The following ZNF471 variants were observed in gnomAD, a reference collection of about 807,000 sequenced individuals.
The protein encoded by ZNF471 is zinc finger protein 471.
ZNF471 carries 7 observed loss-of-function variants against 13.7 expected under a neutral mutation model. The observed-to-expected ratio is 0.51, with a 90% CI of 0.29 to 0.96. The LOEUF is 0.96. Among genes scored for constraint, ZNF471 ranks in the 40% least tolerant of loss-of-function variants. The probability of loss-of-function intolerance (pLI) is 0.08; values close to 1 mark genes in which losing one functional copy is unlikely to be tolerated. For synonymous variants in ZNF471, 218 were observed against 235.6 expected (o/e 0.93, Z 0.68); for missense variants, 663 against 743.3 (o/e 0.89, Z 1.26).
rs2043893126 is a variant in ZNF471, at chr19:56,516,685, A to C, written c.160+284A>C. ...CTTGTTCTCTCTCTCCTACAGAATTACTATCACCACTAGACAACAACAAGG... is the reference window on the plus strand; with the variant it reads ...CTTGTTCTCTCTCTCCTACAGAATTCCTATCACCACTAGACAACAACAAGG... On this transcript the variant is annotated intron_variant, in intron 3 of 4. Coordinates refer to ENST00000308031, the MANE Select transcript of ZNF471 (RefSeq NM_020813.4). This position sits in a 1 kb window ranked among gnomAD's most constrained non-coding sequence, Gnocchi z 4.4. 6.6e-6 allele frequency among the ~76,000 whole-genome samples: 1 copy of C among 152,228 alleles called. No homozygotes were observed.
Position 56,516,442 on chromosome 19 carries a change from A to C in ZNF471, c.160+41A>C, listed in dbSNP as rs1410958926. 1 of 1,563,974 alleles carries C rather than the reference A, an allele frequency of 6.4e-7. No homozygotes were observed. Among genetic ancestry groups the C allele is most frequent in the Non-Finnish European group, 8.6e-7 (1 of 1,158,852 alleles). ...CTCCTGCATAATCTACCTTTAAGGA[A>C]CTTTTTTGTCTATATATTATTAAAT... On this transcript the variant is annotated intron_variant, in intron 3 of 4. Coordinates refer to ENST00000308031, the MANE Select transcript of ZNF471 (RefSeq NM_020813.4). This position sits in a 1 kb window ranked among gnomAD's most constrained non-coding sequence, Gnocchi z 4.4.
chr19:56,515,687 C>A (rs533463790), intron 2 of ZNF471, among the ~76,000 whole-genome samples: 1 of 152,292 alleles, frequency 6.6e-6, no homozygotes, highest in African/African-American at 2.4e-5. Flanking sequence ...AAAATGCCCA[C>A]AATAACTTTT....
At position 56,516,710 on chromosome 19, in the gene ZNF471, G is replaced by T. The variant is rs17207495; in HGVS notation, c.160+309G>T. Among the ~76,000 whole-genome samples the T allele has an allele frequency of 0.14, 20,774 of 152,094 alleles. 1,751 individuals carry two copies. The highest frequency in any genetic ancestry group is 0.2 in the Middle Eastern group (59 of 294). On this transcript the variant is annotated intron_variant, in intron 3 of 4. Coordinates refer to ENST00000308031, the MANE Select transcript of ZNF471 (RefSeq NM_020813.4). This position sits in a 1 kb window ranked among gnomAD's most constrained non-coding sequence, Gnocchi z 4.4. Reference sequence around the variant, plus strand: ...ACTATCACCACTAGACAACAACAAGGTTCACAAAGAATATATAGCTAGATT... The same window carrying T: ...ACTATCACCACTAGACAACAACAAGTTTCACAAAGAATATATAGCTAGATT...
rs999722384 is a variant in ZNF471 at position 56,510,354 on chromosome 19, G to C, written c.-55-1163G>C. ...AGAAAGACTAGTGATGTGGTTGTGTGAGAGACCAAAATGGGTGAGAAAGAA... is the reference window on the plus strand; with the variant it reads ...AGAAAGACTAGTGATGTGGTTGTGTCAGAGACCAAAATGGGTGAGAAAGAA... On this transcript the variant is annotated intron_variant, in intron 1 of 4. Coordinates refer to ENST00000308031, the MANE Select transcript of ZNF471 (RefSeq NM_020813.4). The surrounding 1 kb of genome is among the most constrained non-coding windows in gnomAD (Gnocchi z 4.3). The C allele has an allele frequency of 3.0e-6, 3 of 985,418 alleles. No homozygotes were observed. In the African/African-American group the frequency reaches 5.2e-5, roughly 17 times the overall value. The allele number at this position is 985,418 out of a possible 1,614,324, so 61.0% of individuals were successfully genotyped here. A position where few individuals can be genotyped will look rare whatever the true frequency, so the allele number is the denominator to read the frequency against.
chr19:56,523,392 A>G (rs1600521221), intron 4 of ZNF471, among the ~76,000 whole-genome samples: 1 of 150,632 alleles, frequency 6.6e-6, no homozygotes, highest in African/African-American at 2.4e-5. Flanking sequence ...GTGGTCTAAG[A>G]GGTGATAATT....
Position 56,508,096 on chromosome 19 carries a change from C to G in ZNF471, c.-56+176C>G. 1 of 984,960 alleles carries G rather than the reference C, an allele frequency of 1.0e-6. No individual in the cohort carries two copies. The highest frequency in any genetic ancestry group is 1.2e-6 in the Non-Finnish European group (1 of 829,540). 61.0% of individuals were successfully genotyped at this position (984,960 alleles called of 1,614,324 possible). A position where few individuals can be genotyped will look rare whatever the true frequency, so the allele number is the denominator to read the frequency against. ...ACTCGAGTCTGCGGGGCGGAGGCCGCGGCTCGGGGCTGCTGGGCGTTCGGG... is the reference window on the plus strand; with the variant it reads ...ACTCGAGTCTGCGGGGCGGAGGCCGGGGCTCGGGGCTGCTGGGCGTTCGGG... On this transcript the variant is annotated intron_variant, in intron 1 of 4. Transcript: ENST00000308031. The surrounding 1 kb of genome is among the most constrained non-coding windows in gnomAD (Gnocchi z 4.7).
chr19:56,509,873 C>T (rs1189192032), intron 1 of ZNF471: 1 of 985,170 alleles, frequency 1.0e-6, no homozygotes, highest in Non-Finnish European at 1.2e-6. Context: ...TGTGAGAATC[C>T]AGAGTGTGAG....
chr19:56,521,652 A>AAAAC (rs1555765591), intron 4 of ZNF471, among the ~76,000 whole-genome samples: 1 of 147,374 alleles, frequency 6.8e-6, no homozygotes, highest in Non-Finnish European at 1.5e-5. Context: ...AAAAAAAAAA[A>AAAAC]AAAAAAACTC....
At position 56,526,858 on chromosome 19, in the gene ZNF471, C is replaced by A. The variant is rs2044054701; in HGVS notation, c.*910C>A. The A allele has an allele frequency of 6.6e-6, 1 of 152,348 alleles. No homozygotes were observed. The highest frequency in any genetic ancestry group is 2.1e-4 in the South Asian group (1 of 4,830). The allele number at this position is 152,348 out of a possible 1,614,324, so 9.4% of individuals were successfully genotyped here. On this transcript the variant is annotated 3_prime_UTR_variant, in exon 5 of 5. Coordinates refer to ENST00000308031, the MANE Select transcript of ZNF471 (RefSeq NM_020813.4). ...AAAAAAGTGCAGATAAAACCCTCAT[C>A]TCCCTGGGACAAAGCACGTGGGGGA...
At chr19:56,517,914 A>C (rs2147916243) in intron 3 of ZNF471, among the ~76,000 whole-genome samples, 1 of 152,310 alleles carries the variant, frequency 6.6e-6, no homozygotes, top group South Asian at 2.1e-4. Flanking sequence ...TCCTGTGTGT[A>C]CATTTATTTC....
At chr19:56,517,449 C>T (rs181019041) in intron 3 of ZNF471, among the ~76,000 whole-genome samples, 8 of 152,106 alleles carry the variant, frequency 5.3e-5, no homozygotes, top group East Asian at 1.9e-4. Flanking sequence ...ACTACAGGTG[C>T]CTGCCACCAC....
rs2044060082 is a variant in ZNF471, at chr19:56,527,322, TA to T, written c.*1375del. 1 of 152,146 alleles carries T rather than the reference TA, an allele frequency of 6.6e-6. No homozygotes were observed. Among genetic ancestry groups the T allele is most frequent in the East Asian group, 1.9e-4 (1 of 5,182 alleles). The allele number at this position is 152,146 out of a possible 1,614,324, so 9.4% of individuals were successfully genotyped here. A position where few individuals can be genotyped will look rare whatever the true frequency, so the allele number is the denominator to read the frequency against. ...CCACACAGAAACCCCATCTGAAGGT[TA>T]CCAGCATCAAAGACCAAAGGTAGAT... On this transcript the variant is annotated 3_prime_UTR_variant, in exon 5 of 5. Transcript: ENST00000308031.
chr19:56,518,694 G>T, intron 4 of ZNF471, 117 bp downstream of exon 4: 1 of 778,602 alleles, frequency 1.3e-6, no homozygotes, highest in Non-Finnish European at 2.0e-6. Context: ...TTACAGGCCT[G>T]GAGAGAAAAC....
At position 56,526,064 on chromosome 19, in the gene ZNF471, A is replaced by T; in HGVS notation, c.*116A>T. The T allele has an allele frequency of 8.5e-7, 1 of 1,171,492 alleles. No homozygotes were observed. Among genetic ancestry groups the T allele is most frequent in the Non-Finnish European group, 1.2e-6 (1 of 854,080 alleles). 72.6% of individuals were successfully genotyped at this position (1,171,492 alleles called of 1,614,324 possible). ...AAGAAATGTAGAAAAACCTTCAGCCAGGAGGCTGGCAAGATGGCCGAATAG... is the reference window on the plus strand; with the variant it reads ...AAGAAATGTAGAAAAACCTTCAGCCTGGAGGCTGGCAAGATGGCCGAATAG... On this transcript the variant is annotated 3_prime_UTR_variant, in exon 5 of 5. Transcript: ENST00000308031.
chr19:56,520,968 C>T (rs1232799428), intron 4 of ZNF471, among the ~76,000 whole-genome samples: 1 of 152,184 alleles, frequency 6.6e-6, no homozygotes, highest in African/African-American at 2.4e-5. Flanking sequence ...CTGGGGAGCC[C>T]TGACAGTCAT....
Position 56,528,216 on chromosome 19 carries a change from C to A in ZNF471, c.*2268C>A, listed in dbSNP as rs1326217202. 2 of 152,130 alleles carry A rather than the reference C, an allele frequency of 1.3e-5. No homozygotes were observed. Among genetic ancestry groups the A allele is most frequent in the African/African-American group, 4.8e-5 (2 of 41,424 alleles). 9.4% of individuals were successfully genotyped at this position (152,130 alleles called of 1,614,324 possible). A position where few individuals can be genotyped will look rare whatever the true frequency, so the allele number is the denominator to read the frequency against. On this transcript the variant is annotated 3_prime_UTR_variant, in exon 5 of 5. Transcript: ENST00000308031. ...CAGCCACAGTGACCTTTCAAAAATG[C>A]AAATTAAGTTACTCTTAAAACTCTA...
Position 56,514,524 on chromosome 19 carries a change from G to C in ZNF471, c.34-1751G>C, listed in dbSNP as rs186482085. Among the ~76,000 whole-genome samples, 117 of 152,212 alleles carry C rather than the reference G, an allele frequency of 7.7e-4. No individual in the cohort carries two copies. The South Asian group carries it at 9.8e-3, about 13-fold the overall frequency. ...GCTTATCGATGACCTTGTCAGCTTT[G>C]AGGAATACTCAGTTATTTTGTAGAA... On this transcript the variant is annotated intron_variant, in intron 2 of 4. Coordinates refer to ENST00000308031, the MANE Select transcript of ZNF471 (RefSeq NM_020813.4).
intron 3 of ZNF471, 117 bp from the exon 4 acceptor site, chr19:56,518,365 G>C (rs2043922215): frequency 1.3e-6 from 1 of 746,166 alleles, no homozygotes; most frequent in African/African-American, 1.8e-5. Context: ...CTTCAGATGT[G>C]CTTTATCTCT....
At position 56,524,608 on chromosome 19, in the gene ZNF471, A is replaced by G; in HGVS notation, c.541A>G (p.Thr181Ala). ...ENIEESIYNH[T>A]SDKKSFSKNS... is the part of the protein sequence containing the mutation. ...CATAGAAGAGAGTATTTATAATCAC[A>G]CATCAGATAAAAAAAGCTTCTCCAA... Residue 181 changes from threonine (T) to alanine (A), a missense_variant, in exon 5 of 5, where the codon ACA becomes GCA. Coordinates refer to ENST00000308031, the MANE Select transcript of ZNF471 (RefSeq NM_020813.4). The surrounding 1 kb of genome is among the most constrained non-coding windows in gnomAD (Gnocchi z 4.8). 1 of 1,589,720 alleles carries G rather than the reference A, an allele frequency of 6.3e-7. No homozygotes were observed. Among genetic ancestry groups the G allele is most frequent in the Non-Finnish European group, 8.5e-7 (1 of 1,173,884 alleles).
Sources: allele counts gnomAD v4.1 joint callset (sites outside exome capture counted in the v4.1 genomes callset), GRCh38; gene constraint gnomAD v4.1.1; non-coding constraint Gnocchi (gnomAD v3.1); transcripts MANE v1.5; gene names NCBI Gene and HGNC (gene_info 2026-07-23, HGNC 2026-07-21).